Variants in PLEKHG4B observed in about 807,000 individuals in gnomAD.
PLEKHG4B encodes the protein pleckstrin homology and RhoGEF domain containing G4B.
Under a neutral mutation model 121.3 loss-of-function variants are expected in PLEKHG4B, and 111 were observed. The observed-to-expected ratio is 0.92, with a 90% CI of 0.78 to 1.07. The LOEUF is 1.07. Ranked by LOEUF, PLEKHG4B falls within the 50% of genes least tolerant of loss-of-function variation. PLEKHG4B has a pLI of 0.00. For missense variants in PLEKHG4B, 1,831 were observed against 1,757.8 expected (o/e 1.04, Z -0.74); for synonymous variants, 738 against 725.0 (o/e 1.02, Z -0.29).
At chr5:126,764 G>A (rs1225236649) in intron 2 of PLEKHG4B, among the ~76,000 whole-genome samples, 9 of 152,160 alleles carry the variant, frequency 5.9e-5, no homozygotes, top group Non-Finnish European at 1.2e-4. Flanking sequence ...CACATGAGGA[G>A]TGAGTTTAGG....
At chr5:167,808 G>C (rs75959593) in intron 13 of PLEKHG4B, among the ~76,000 whole-genome samples, 1 of 152,202 alleles carries the variant, frequency 6.6e-6, no homozygotes, top group African/African-American at 2.4e-5. Context: ...CCCCACTCCA[G>C]CCAGCTCATG....
intron 1 of PLEKHG4B, among the ~76,000 whole-genome samples, chr5:101,682 A>G (rs1733819610): frequency 7.5e-6 from 1 of 134,096 alleles, no homozygotes; most frequent in African/African-American, 3.2e-5. Flanking sequence ...TAGGGGAGAG[A>G]CTGTTGTGAG....
chr5:181,395 T>G (rs1579336177), intron 18 of PLEKHG4B, 119 bp from the exon 19 acceptor site: 1 of 1,033,130 alleles, frequency 9.7e-7, no homozygotes, highest in Non-Finnish European at 1.4e-6. Context: ...TGGGGCAGGG[T>G]GGGTATACCC....
At chr5:119,270 A>C (rs1340623582) in intron 2 of PLEKHG4B, among the ~76,000 whole-genome samples, 2 of 152,230 alleles carry the variant, frequency 1.3e-5, no homozygotes, top group African/African-American at 4.8e-5. Context: ...AGAAATCAAC[A>C]ACAAGAAACC....
chr5:171,034 C>T lies in PLEKHG4B; in HGVS notation c.3730-9C>T, dbSNP rs2126454375. On this transcript the variant is annotated splice_polypyrimidine_tract_variant and intron_variant, in intron 14 of 19. Transcript: ENST00000637938. ...TCCCACAGCCAAGCAGTCGCCTCTGCTTTTCCAGGAAGAGCAGTTTGGGAT... is the reference window on the plus strand; with the variant it reads ...TCCCACAGCCAAGCAGTCGCCTCTGTTTTTCCAGGAAGAGCAGTTTGGGAT... 1 of 1,607,120 alleles carries T rather than the reference C, an allele frequency of 6.2e-7. No homozygotes were observed. The highest frequency in any genetic ancestry group is 8.5e-7 in the Non-Finnish European group (1 of 1,176,862).
At chr5:153,295 T>C (rs1478687189) in intron 7 of PLEKHG4B, among the ~76,000 whole-genome samples, 2 of 152,198 alleles carry the variant, frequency 1.3e-5, no homozygotes, top group Non-Finnish European at 2.9e-5. Flanking sequence ...CTGCTGATTG[T>C]CTTTCCCTGG....
At chr5:129,956 A>C (rs1289122845) in intron 2 of PLEKHG4B, among the ~76,000 whole-genome samples, 1 of 152,174 alleles carries the variant, frequency 6.6e-6, no homozygotes, top group Admixed American at 6.5e-5. Context: ...CTTCACCCAG[A>C]ATGTGCTTAA....
In PLEKHG4B at chr5:154,621, C is replaced by CTTTT. The variant is rs35893349; in HGVS notation, c.1993-237_1993-234dup. Among the ~76,000 whole-genome samples the CTTTT allele has an allele frequency of 3.4e-4, 45 of 131,856 alleles. No individual in the cohort carries two copies. The South Asian group carries it at 0.01, about 31-fold the overall frequency. The allele number at this position is 131,856 out of a possible 152,430, so 86.5% of individuals were successfully genotyped here. On this transcript the variant is annotated intron_variant, in intron 7 of 19. Coordinates refer to ENST00000637938, the MANE Select transcript of PLEKHG4B (RefSeq NM_052909.5). ...TCATTCTTTCCCTTTTCCTTCCTCC[C>CTTTT]TTTTTTTTTTTTTTTTTTTTGGTTT...
At chr5:125,859 A>G (rs1317718748) in intron 2 of PLEKHG4B, among the ~76,000 whole-genome samples, 1 of 152,156 alleles carries the variant, frequency 6.6e-6, no homozygotes, top group African/African-American at 2.4e-5. Flanking sequence ...TTTGAAGCAT[A>G]GTTTTGCTAG....
rs550141747 is a variant in PLEKHG4B at position 187,359 on chromosome 5, A to C, written c.*5036A>C. 2 of 152,386 alleles carry C rather than the reference A, an allele frequency of 1.3e-5. No homozygotes were observed. Among genetic ancestry groups the C allele is most frequent in the South Asian group, 4.1e-4 (2 of 4,828 alleles). 9.4% of individuals were successfully genotyped at this position (152,386 alleles called of 1,614,324 possible). A position where few individuals can be genotyped will look rare whatever the true frequency, so the allele number is the denominator to read the frequency against. On this transcript the variant is annotated 3_prime_UTR_variant, in exon 20 of 20. Coordinates refer to ENST00000637938, the MANE Select transcript of PLEKHG4B (RefSeq NM_052909.5). ...CTGTGGCTTAGCTGGGCCTGCGTCC[A>C]TCCCCGGTTCTGGGGAGATGCCCGG...
rs906031405 is a variant in PLEKHG4B, at chr5:113,997, G to A, written c.243+549G>A. On this transcript the variant is annotated intron_variant, in intron 2 of 19. Transcript: ENST00000637938. This position sits in a 1 kb window ranked among gnomAD's most constrained non-coding sequence, Gnocchi z 5.2. The stretch of plus-strand genomic sequence containing the variant: ...CACACAAAGTTTTTGGTTTCCCAGC[G>A]CATATACAAGTTACGTTTACACTAT... Among the ~76,000 whole-genome samples, 5 of 152,170 alleles carry A rather than the reference G, an allele frequency of 3.3e-5. No individual in the cohort carries two copies. The highest frequency in any genetic ancestry group is 5.9e-5 in the Non-Finnish European group (4 of 68,036).
Position 129,943 on chromosome 5 carries a change from A to C in PLEKHG4B, c.244-9540A>C, listed in dbSNP as rs951963474. On this transcript the variant is annotated intron_variant, in intron 2 of 19. Coordinates refer to ENST00000637938, the MANE Select transcript of PLEKHG4B (RefSeq NM_052909.5). ...CAGTAAAATCAGTGGGCAAGAGGAC[A>C]GGCTTCACCCAGAATGTGCTTAAGA... Among the ~76,000 whole-genome samples the C allele has an allele frequency of 2.6e-5, 4 of 152,202 alleles. No individual in the cohort carries two copies. In the South Asian group the frequency reaches 8.3e-4, roughly 32 times the overall value.
chr5:98,886 G>A (rs1055783701), intron 1 of PLEKHG4B, among the ~76,000 whole-genome samples: 2 of 123,026 alleles, frequency 1.6e-5, no homozygotes, highest in African/African-American at 6.6e-5. Flanking sequence ...ACCGGGTGTG[G>A]TGTCTCATGC....
intron 6 of PLEKHG4B, among the ~76,000 whole-genome samples, chr5:149,747 T>C (rs1194225758): frequency 6.6e-6 from 1 of 152,206 alleles, no homozygotes; most frequent in African/African-American, 2.4e-5. Context: ...AGAAGATATA[T>C]ATGTGGCTAA....
At chr5:178,932 A>G (rs139607307) in intron 18 of PLEKHG4B, among the ~76,000 whole-genome samples, 1 of 152,380 alleles carries the variant, frequency 6.6e-6, no homozygotes, top group East Asian at 1.9e-4. Flanking sequence ...TACAATGAAA[A>G]TGCTTATAAA....
Position 162,758 on chromosome 5 carries a change from T to C in PLEKHG4B, c.2686T>C (p.Cys896Arg). The change falls in exon 13 of 20, where the codon TGT becomes CGT. Residue 896 changes from cysteine to arginine, a missense_variant. Coordinates refer to ENST00000637938, the MANE Select transcript of PLEKHG4B (RefSeq NM_052909.5). ...GATGGGGCCCCTGGACCCGGAGGCT[T>C]GTCCCTCCTCACCCGTGGCTGAGTG... ...SWMGPLDPEACPSSPVAECLR... is the reference protein window; with the variant it reads ...SWMGPLDPEARPSSPVAECLR... 1 of 1,468,040 alleles carries C rather than the reference T, an allele frequency of 6.8e-7. No individual in the cohort carries two copies. The highest frequency in any genetic ancestry group is 9.0e-7 in the Non-Finnish European group (1 of 1,109,352). The allele number at this position is 1,468,040 out of a possible 1,614,324, so 90.9% of individuals were successfully genotyped here.
chr5:164,898 A>G (rs1439640859), intron 13 of PLEKHG4B, among the ~76,000 whole-genome samples: 4 of 25,724 alleles, frequency 1.6e-4, no homozygotes, highest in Admixed American at 3.3e-4. Context: ...GAGCTCACAC[A>G]GTAATGCTGT....
chr5:94,689 T>C (rs1362434051), intron 1 of PLEKHG4B, among the ~76,000 whole-genome samples: 1 of 151,978 alleles, frequency 6.6e-6, no homozygotes, highest in Non-Finnish European at 1.5e-5. Context: ...GCACCCAACA[T>C]TTCCCTTTAC....
Position 157,247 on chromosome 5 carries a change from G to C in PLEKHG4B, c.2487+336G>C. The C allele has an allele frequency of 2.9e-6, 1 of 350,182 alleles. No homozygotes were observed. 21.7% of individuals were successfully genotyped at this position (350,182 alleles called of 1,614,324 possible). On this transcript the variant is annotated intron_variant, in intron 11 of 19. Transcript: ENST00000637938. The surrounding 1 kb of genome is among the most constrained non-coding windows in gnomAD (Gnocchi z 4.6). ...CTTTCTCCATGTGCATGCGTACACA[G>C]TGACTGAGAAGCCGAGGTGAAACCG... is the stretch of plus-strand genomic sequence containing the variant.
Sources: gnomAD v4.1 joint callset for allele counts (sites outside exome capture counted in the v4.1 genomes callset) on GRCh38, gnomAD v4.1.1 for gene constraint, Gnocchi (gnomAD v3.1) non-coding constraint, MANE v1.5 for transcripts, NCBI Gene and HGNC (gene_info 2026-07-23, HGNC 2026-07-21) for gene names.